DTD1: variants seen among roughly 807,000 people sequenced by gnomAD.
The protein encoded by DTD1 is D-aminoacyl-tRNA deacylase 1, also known as D-tyrosyl-tRNA deacylase 1 homolog.
Under a neutral mutation model 25.6 loss-of-function variants are expected in DTD1, and 13 were observed. That is an observed-to-expected ratio of 0.51 (90% CI 0.33 to 0.81). DTD1 has a LOEUF of 0.81. Ranked by LOEUF, DTD1 falls within the 30% of genes least tolerant of loss-of-function variation. The pLI, the probability that DTD1 is intolerant of heterozygous loss-of-function variation, is 0.02. For synonymous variants in DTD1, 110 were observed against 103.6 expected (o/e 1.06, Z -0.37); for missense variants, 193 against 266.4 (o/e 0.72, Z 1.92).
intron 4 of DTD1, among the ~76,000 whole-genome samples, chr20:18,653,156 C>G (rs918569863): frequency 1.7e-4 from 26 of 152,160 alleles, no homozygotes; most frequent in African/African-American, 5.5e-4. Context: ...GATTCCAGCA[C>G]TTTGGGAAGC....
chr20:18,758,379 G>C (rs2061347786), intron 5 of DTD1, among the ~76,000 whole-genome samples: 1 of 151,986 alleles, frequency 6.6e-6, no homozygotes, highest in Admixed American at 6.6e-5. Context: ...GTCAATTTTG[G>C]ATCTTTCCTG....
intron 4 of DTD1, among the ~76,000 whole-genome samples, chr20:18,676,990 C>T (rs1298588958): frequency 6.6e-6 from 1 of 152,196 alleles, no homozygotes; most frequent in Non-Finnish European, 1.5e-5. Flanking sequence ...CTTACTGCCT[C>T]CCACCCCCTA....
At chr20:18,591,640 C>T (rs2060590069) in intron 1 of DTD1, among the ~76,000 whole-genome samples, 1 of 151,898 alleles carries the variant, frequency 6.6e-6, no homozygotes, top group Non-Finnish European at 1.5e-5. Context: ...TCATGTTTCT[C>T]ATATTTTCTA....
chr20:18,657,795 GTTC>G (rs1411748402), intron 4 of DTD1, among the ~76,000 whole-genome samples: 3 of 152,222 alleles, frequency 2.0e-5, no homozygotes, highest in African/African-American at 7.2e-5. Context: ...AGGAGGTTCA[GTTC>G]TTCTCCACGT....
At chr20:18,620,798 G>T (rs1008311072) in intron 3 of DTD1, among the ~76,000 whole-genome samples, 46 of 152,074 alleles carry the variant, frequency 3.0e-4, no homozygotes, top group African/African-American at 1.1e-3. Flanking sequence ...TTGCTGTGTT[G>T]CCCAGGCTGG....
rs200602148 is a variant in DTD1, at chr20:18,746,534, T to TAA, written c.*19+2273_*19+2274dup. 5.4e-3 allele frequency among the ~76,000 whole-genome samples: 774 copies of TAA among 144,232 alleles called. 8 individuals are homozygous for TAA. Among genetic ancestry groups the TAA allele is most frequent in the African/African-American group, 0.019 (750 of 39,880 alleles). The allele number at this position is 144,232 out of a possible 152,430, so 94.6% of individuals were successfully genotyped here. On this transcript the variant is annotated intron_variant, in intron 5 of 5. Transcript: ENST00000377452. ...GCAACATGGTGAGACCCCCGTCTCT[T>TAA]AAAAAAAAAAATTAGCTGAGCATGG...
intron 4 of DTD1, among the ~76,000 whole-genome samples, chr20:18,657,734 A>G (rs1435449151): frequency 6.6e-6 from 1 of 152,218 alleles, no homozygotes; most frequent in East Asian, 1.9e-4. Context: ...ATAGTATCTC[A>G]TGTAGTTTCT....
intron 4 of DTD1, among the ~76,000 whole-genome samples, chr20:18,717,142 C>T (rs117092253): frequency 1.3e-5 from 2 of 152,284 alleles, no homozygotes; most frequent in Non-Finnish European, 2.9e-5. Context: ...TACACAAGAA[C>T]CAGGAGAGAT....
At chr20:18,734,692 C>T (rs186880544) in intron 4 of DTD1, among the ~76,000 whole-genome samples, 5 of 152,258 alleles carry the variant, frequency 3.3e-5, no homozygotes, top group African/African-American at 9.6e-5. Context: ...AAGCAAATAC[C>T]AAATGACAGC....
intron 4 of DTD1, among the ~76,000 whole-genome samples, chr20:18,682,137 G>C (rs1405060790): frequency 6.6e-6 from 1 of 152,174 alleles, no homozygotes; most frequent in Non-Finnish European, 1.5e-5. Context: ...ATTTTAAAAA[G>C]AAGTATAATT....
intron 4 of DTD1, among the ~76,000 whole-genome samples, chr20:18,687,212 G>A (rs1436748524): frequency 6.6e-6 from 1 of 152,178 alleles, no homozygotes; most frequent in East Asian, 1.9e-4. Context: ...GGACATCCTA[G>A]GTAGAGGGAA....
At chr20:18,694,771 G>C (rs1486704188) in intron 4 of DTD1, among the ~76,000 whole-genome samples, 2 of 152,148 alleles carry the variant, frequency 1.3e-5, no homozygotes, top group African/African-American at 2.4e-5. Flanking sequence ...GCATTTATTT[G>C]TAGACATCTA....
Position 18,675,438 on chromosome 20 carries a change from T to A in DTD1, c.477+47205T>A, listed in dbSNP as rs190077172. On this transcript the variant is annotated intron_variant, in intron 4 of 5. Coordinates refer to ENST00000377452, the MANE Select transcript of DTD1 (RefSeq NM_080820.6). ...TCCATGTTGTTGTCATCCCTTTGTATGGCTGGAGAGGAACAAGATGCTCAG... is the reference window on the plus strand; with the variant it reads ...TCCATGTTGTTGTCATCCCTTTGTAAGGCTGGAGAGGAACAAGATGCTCAG... 4.6e-5 allele frequency: 7 copies of A among 152,294 alleles called. No individual in the cohort carries two copies. In the East Asian group the frequency reaches 1.3e-3, roughly 29 times the overall value. The allele number at this position is 152,294 out of a possible 1,614,324, so 9.4% of individuals were successfully genotyped here.
intron 3 of DTD1, among the ~76,000 whole-genome samples, chr20:18,606,616 A>C (rs1443970382): frequency 8.5e-6 from 1 of 117,516 alleles, no homozygotes; most frequent in African/African-American, 3.1e-5. Context: ...GGATGAGTTC[A>C]TGTCCTTTGT....
In DTD1 at chr20:18,765,015, T is replaced by G. The variant is rs146632444; in HGVS notation, c.*1675T>G. 1 of 152,204 alleles carries G rather than the reference T, an allele frequency of 6.6e-6. No individual in the cohort carries two copies. Among genetic ancestry groups the G allele is most frequent in the Non-Finnish European group, 1.5e-5 (1 of 68,038 alleles). 9.4% of individuals were successfully genotyped at this position (152,204 alleles called of 1,614,324 possible). ...GTAGTAAGGGGTAACGAGGATTGCATAGAGATACGACCTAAGGATCATGAC... is the reference window on the plus strand; with the variant it reads ...GTAGTAAGGGGTAACGAGGATTGCAGAGAGATACGACCTAAGGATCATGAC... On this transcript the variant is annotated 3_prime_UTR_variant, in exon 6 of 6. Transcript: ENST00000377452.
intron 4 of DTD1, chr20:18,631,485 C>A: frequency 1.0e-6 from 1 of 985,486 alleles, no homozygotes; most frequent in Non-Finnish European, 1.2e-6. Context: ...CATCTTATCC[C>A]ATTGGGTTTT....
intron 4 of DTD1, among the ~76,000 whole-genome samples, chr20:18,708,208 T>G (rs55796328): frequency 0.012 from 69 of 5,708 alleles, 6 homozygotes; most frequent in African/African-American, 0.018. Flanking sequence ...TATATATATT[T>G]TATATATATA....
At chr20:18,744,303 C>T (rs1055163711) in intron 5 of DTD1, 32 bp downstream of exon 5, 1 of 1,602,104 alleles carries the variant, frequency 6.2e-7, no homozygotes, top group South Asian at 1.1e-5. Flanking sequence ...TTCATCTTCC[C>T]ACATTTTGGG....
At chr20:18,756,644 C>T (rs1024434211) in intron 5 of DTD1, among the ~76,000 whole-genome samples, 33 of 152,144 alleles carry the variant, frequency 2.2e-4, no homozygotes, top group Non-Finnish European at 2.5e-4. Flanking sequence ...TGTTTTGGTA[C>T]CAGTACCATG....
Sources: allele counts gnomAD v4.1 joint callset (sites outside exome capture counted in the v4.1 genomes callset), GRCh38; gene constraint gnomAD v4.1.1; transcripts MANE v1.5; gene names NCBI Gene and HGNC (gene_info 2026-07-23, HGNC 2026-07-21).